MIPOL1: variants seen among roughly 807,000 people sequenced by gnomAD.
MIPOL1 encodes the protein mirror-image polydactyly gene 1 protein.
A neutral mutation model predicts 60.9 loss-of-function variants in MIPOL1; 57 were observed. That is an observed-to-expected ratio of 0.94 (90% confidence interval 0.76 to 1.17). MIPOL1 has a LOEUF of 1.17. Ranked by LOEUF, MIPOL1 falls within the 50% of genes most tolerant of loss-of-function variation. MIPOL1 has a pLI of 0.00. For synonymous variants in MIPOL1, 179 were observed against 168.8 expected, an observed-to-expected ratio of 1.06 and a Z score of -0.47; for missense variants, 551 against 511.6, an observed-to-expected ratio of 1.08 and a Z score of -0.74.
intron 6 of MIPOL1, among the ~76,000 whole-genome samples, chr14:37,281,053 C>T (rs536718661): frequency 4.7e-4 from 72 of 152,174 alleles, no homozygotes; most frequent in Non-Finnish European, 8.5e-4. Context: ...ACTGCCTGTG[C>T]GTTTGGGGTC....
intron 9 of MIPOL1, among the ~76,000 whole-genome samples, chr14:37,330,130 CTTTA>C (rs542754753): frequency 5.1e-4 from 78 of 152,038 alleles, no homozygotes; most frequent in African/African-American, 1.7e-3. Flanking sequence ...TTATAATTAT[CTTTA>C]TTTTAGTCAT....
chr14:37,224,793 C>T (rs1455427490), intron 1 of MIPOL1, among the ~76,000 whole-genome samples: 2 of 152,166 alleles, frequency 1.3e-5, no homozygotes, highest in African/African-American at 4.8e-5. Context: ...TAACTCATTT[C>T]ATCATTAACT....
intron 10 of MIPOL1, among the ~76,000 whole-genome samples, chr14:37,377,619 T>G (rs953788045): frequency 6.6e-6 from 1 of 152,152 alleles, no homozygotes; most frequent in African/African-American, 2.4e-5. Context: ...ACTACCATCC[T>G]TCTAGGCATG....
chr14:37,239,748 A>G (rs1183299911), intron 1 of MIPOL1, among the ~76,000 whole-genome samples: 1 of 152,200 alleles, frequency 6.6e-6, no homozygotes, highest in Non-Finnish European at 1.5e-5. Flanking sequence ...TTTATTAAGA[A>G]TGACTCAAGA....
intron 11 of MIPOL1, among the ~76,000 whole-genome samples, chr14:37,441,511 AT>A: frequency 6.6e-6 from 1 of 152,058 alleles, no homozygotes; most frequent in African/African-American, 2.4e-5. Flanking sequence ...AGTGTATGTT[AT>A]TGTCAATTTT....
chr14:37,268,625 A>T, intron 4 of MIPOL1, 33 bp from the exon 5 acceptor site: 1 of 1,525,536 alleles, frequency 6.6e-7, no homozygotes, highest in Non-Finnish European at 8.8e-7. Context: ...AGTTTATCTT[A>T]CTCTGAAATG....
chr14:37,294,664 C>G (rs991864029), intron 7 of MIPOL1, among the ~76,000 whole-genome samples: 5 of 152,166 alleles, frequency 3.3e-5, no homozygotes, highest in African/African-American at 1.2e-4. Flanking sequence ...GATGAATGCA[C>G]AAGCCTCAGT....
At position 37,262,598 on chromosome 14, in the gene MIPOL1, T is replaced by C. The variant is rs549391659; in HGVS notation, c.20-4340T>C. On this transcript the variant is annotated intron_variant, in intron 3 of 12. Coordinates refer to ENST00000684589, the MANE Select transcript of MIPOL1 (RefSeq NM_001388067.1). ...GAAATAGTGAAGTTATGTTATCAAG[T>C]ATCAGGGAGCACATTAACAAACTGC... Among the ~76,000 whole-genome samples, 19 of 152,316 alleles carry C rather than the reference T, an allele frequency of 1.2e-4. No homozygotes were observed. The South Asian group carries it at 2.3e-3, about 18-fold the overall frequency.
chr14:37,239,191 G>A (rs919960453), intron 1 of MIPOL1, among the ~76,000 whole-genome samples: 2 of 151,452 alleles, frequency 1.3e-5, no homozygotes, highest in African/African-American at 2.4e-5. Flanking sequence ...GACTACAGGT[G>A]CCCACCACCA....
At chr14:37,546,837 G>A (rs1289965342) in intron 12 of MIPOL1, 68 bp from the exon 13 acceptor site, 3 of 1,247,136 alleles carry the variant, frequency 2.4e-6, no homozygotes, top group Non-Finnish European at 3.5e-6. Flanking sequence ...TCCTTTATCA[G>A]CCAGGACATT....
At chr14:37,495,166 A>C (rs1227244901) in intron 11 of MIPOL1, among the ~76,000 whole-genome samples, 1 of 146,462 alleles carries the variant, frequency 6.8e-6, no homozygotes, top group African/African-American at 2.5e-5. Context: ...GTTTTAGGGT[A>C]CATGGCACAT....
intron 12 of MIPOL1, chr14:37,545,834 G>A: frequency 7.0e-6 from 3 of 431,336 alleles, no homozygotes; most frequent in Non-Finnish European, 1.2e-5. Flanking sequence ...GTGTTTATTT[G>A]CAGAGGACCC....
chr14:37,507,036 A>G (rs2095283701), intron 12 of MIPOL1: 1 of 152,202 alleles, frequency 6.6e-6, no homozygotes, highest in South Asian at 2.1e-4. Flanking sequence ...GAGAAATGCA[A>G]ATCAGAGCCA....
intron 4 of MIPOL1, among the ~76,000 whole-genome samples, chr14:37,267,766 T>C (rs889788324): frequency 6.6e-6 from 1 of 152,210 alleles, no homozygotes; most frequent in Non-Finnish European, 1.5e-5. Context: ...TGGAAATAAC[T>C]GTTAAATTGA....
intron 10 of MIPOL1, among the ~76,000 whole-genome samples, chr14:37,378,293 A>G (rs2092830215): frequency 6.6e-6 from 1 of 152,104 alleles, no homozygotes; most frequent in African/African-American, 2.4e-5. Flanking sequence ...AGCCAAATTT[A>G]GTAGGTCAAC....
chr14:37,246,388 C>A (rs1973206254), intron 1 of MIPOL1, among the ~76,000 whole-genome samples: 1 of 152,018 alleles, frequency 6.6e-6, no homozygotes, highest in African/African-American at 2.4e-5. Flanking sequence ...CATAAATTAT[C>A]ATAATATAGG....
chr14:37,322,451 A>G (rs750337354), intron 9 of MIPOL1, among the ~76,000 whole-genome samples: 41 of 152,022 alleles, frequency 2.7e-4, no homozygotes, highest in Non-Finnish European at 4.7e-4. Context: ...TATATCTAAG[A>G]TGACCACATT....
chr14:37,492,547 G>T (rs2095060464), intron 11 of MIPOL1, among the ~76,000 whole-genome samples: 1 of 152,102 alleles, frequency 6.6e-6, no homozygotes, highest in African/African-American at 2.4e-5. Context: ...TTCTTTGGCA[G>T]GTATTGTGCC....
At chr14:37,433,865 C>G (rs75595164) in intron 11 of MIPOL1, among the ~76,000 whole-genome samples, 1 of 152,020 alleles carries the variant, frequency 6.6e-6, no homozygotes, top group Non-Finnish European at 1.5e-5. Context: ...CCTGAACTCA[C>G]TCTTCTTTAT....
Sources: allele counts gnomAD v4.1 joint callset (sites outside exome capture counted in the v4.1 genomes callset), GRCh38; gene constraint gnomAD v4.1.1; transcripts MANE v1.5; gene names NCBI Gene and HGNC (gene_info 2026-07-23, HGNC 2026-07-21).